Variants in RBFOX1 observed in about 807,000 individuals in gnomAD.
RBFOX1 encodes RNA binding protein fox-1 homolog 1.
In RBFOX1, 8 loss-of-function variants were observed where a neutral mutation model predicts 57.7. The observed-to-expected ratio is 0.14, with a 90% CI of 0.08 to 0.25. The LOEUF is 0.25. Ranked by LOEUF, RBFOX1 falls within the 10% of genes least tolerant of loss-of-function variation. The probability of loss-of-function intolerance (pLI) is 1.00; values close to 1 mark genes in which losing one functional copy is unlikely to be tolerated. For synonymous variants in RBFOX1, 326 were observed against 222.4 expected, an observed-to-expected ratio of 1.47 and a Z score of -4.15; for missense variants, 611 against 548.5, an observed-to-expected ratio of 1.11 and a Z score of -1.14.
intron 13 of RBFOX1, among the ~76,000 whole-genome samples, chr16:7,665,562 A>G (rs1438416793): frequency 6.6e-6 from 1 of 152,156 alleles, no homozygotes; most frequent in African/African-American, 2.4e-5. Context: ...ATTGCTTGCT[A>G]AATAGTAACA....
chr16:7,399,796 G>A lies in RBFOX1; in HGVS notation c.28-118351G>A, dbSNP rs948645254. ...TTCCCAAATAAGGTCATAGTCACAG[G>A]CACGAGGGGTTAAGACTTAGACATA... On this transcript the variant is annotated intron_variant, in intron 4 of 15. Transcript: ENST00000550418. 2.0e-5 allele frequency among the ~76,000 whole-genome samples: 3 copies of A among 152,144 alleles called. No individual in the cohort carries two copies. The East Asian group carries it at 5.8e-4, about 29-fold the overall frequency.
In RBFOX1 at chr16:7,051,493, C is replaced by T. The variant is rs139590715; in HGVS notation, c.-15-564C>T. Among the ~76,000 whole-genome samples, 1,232 of 152,330 alleles carry T rather than the reference C, an allele frequency of 8.1e-3. 4 individuals are homozygous for T. The highest frequency in any genetic ancestry group is 0.014 in the Non-Finnish European group (935 of 68,038). ...GCCGATACCAGAAACCTATCAGGAT[C>T]TCTTTCTGTGATTGAAGGATTGGCT... On this transcript the variant is annotated intron_variant, in intron 3 of 15. Transcript: ENST00000550418.
chr16:6,592,681 C>T (rs1034311763), intron 2 of RBFOX1, among the ~76,000 whole-genome samples: 1 of 152,194 alleles, frequency 6.6e-6, no homozygotes, highest in African/African-American at 2.4e-5. Flanking sequence ...TTTTGAAGCT[C>T]ATAGTCCCCT....
At chr16:6,069,496 A>G (rs1236991525) in intron 1 of RBFOX1, among the ~76,000 whole-genome samples, 4 of 152,002 alleles carry the variant, frequency 2.6e-5, no homozygotes, top group African/African-American at 7.2e-5. Context: ...TCCCCATGTC[A>G]TGCCAACAGA....
At chr16:7,494,956 T>C (rs904158768) in intron 4 of RBFOX1, among the ~76,000 whole-genome samples, 4 of 151,514 alleles carry the variant, frequency 2.6e-5, no homozygotes. Context: ...CAACAGGTAG[T>C]TTTTTACTCC....
At chr16:5,298,946 A>G (rs1423315834) in intron 1 of RBFOX1, among the ~76,000 whole-genome samples, 2 of 123,720 alleles carry the variant, frequency 1.6e-5, no homozygotes, top group Non-Finnish European at 3.3e-5. Context: ...TTTAAAGAAT[A>G]TATACATTAA....
chr16:6,727,296 A>C (rs985712332), intron 3 of RBFOX1, among the ~76,000 whole-genome samples: 6 of 151,758 alleles, frequency 4.0e-5, no homozygotes, highest in Non-Finnish European at 8.8e-5. Flanking sequence ...GTTTTTTGCC[A>C]TTTCTTTCAG....
chr16:6,789,060 C>A (rs749749789), intron 3 of RBFOX1, among the ~76,000 whole-genome samples: 2 of 151,960 alleles, frequency 1.3e-5, no homozygotes, highest in Non-Finnish European at 2.9e-5. Flanking sequence ...ATGGATGTCG[C>A]GAAATTGCCT....
chr16:6,326,621 T>G (rs2082401376), intron 2 of RBFOX1, among the ~76,000 whole-genome samples: 1 of 152,150 alleles, frequency 6.6e-6, no homozygotes, highest in South Asian at 2.1e-4. Context: ...GGACAGACTC[T>G]CCCACCAAGT....
chr16:5,744,472 C>G (rs1439057752), intron 3 of RBFOX1, among the ~76,000 whole-genome samples: 3 of 152,144 alleles, frequency 2.0e-5, no homozygotes, highest in African/African-American at 7.2e-5. Flanking sequence ...GATGCTGGAC[C>G]TGGTTCATAT....
chr16:6,531,575 C>T (rs1244644236), intron 2 of RBFOX1, among the ~76,000 whole-genome samples: 8 of 152,070 alleles, frequency 5.3e-5, no homozygotes, highest in Non-Finnish European at 1.5e-5. Context: ...TGTTTTAAAA[C>T]AGCTACCTAG....
chr16:7,043,214 C>T (rs546577006), intron 3 of RBFOX1, among the ~76,000 whole-genome samples: 3 of 152,290 alleles, frequency 2.0e-5, no homozygotes, highest in Non-Finnish European at 2.9e-5. Context: ...GCTTCCCGTC[C>T]TTCAGCAGGC....
At chr16:6,092,663 T>A (rs779529130) in intron 1 of RBFOX1, 5 of 152,240 alleles carry the variant, frequency 3.3e-5, no homozygotes, top group Non-Finnish European at 5.9e-5. Context: ...CCCCATTGCT[T>A]ATTTTTGTCA....
At chr16:7,687,990 A>G (rs2076428475) in intron 14 of RBFOX1, among the ~76,000 whole-genome samples, 1 of 152,026 alleles carries the variant, frequency 6.6e-6, no homozygotes, top group African/African-American at 2.4e-5. Context: ...GGTCATTGGT[A>G]TTTTATTTAA....
intron 4 of RBFOX1, among the ~76,000 whole-genome samples, chr16:5,977,100 C>T (rs1194111484): frequency 6.6e-6 from 1 of 152,146 alleles, no homozygotes; most frequent in African/African-American, 2.4e-5. Flanking sequence ...GGTGGCAAGT[C>T]TTCTGGGTAA....
Position 5,714,293 on chromosome 16 carries a change from G to C in RBFOX1, c.318+115332G>C, listed in dbSNP as rs114445867. On this transcript the variant is annotated intron_variant, in intron 3 of 19. Coordinates refer to the RBFOX1 transcript ENST00000641259. Reference sequence around the variant, plus strand: ...CTCAAGGCAGAAATGATAATGTTCTGATTCTGAGCTCAGACCTCAAGAGGC... The same window carrying C: ...CTCAAGGCAGAAATGATAATGTTCTCATTCTGAGCTCAGACCTCAAGAGGC... 6.4e-3 allele frequency among the ~76,000 whole-genome samples: 980 copies of C among 152,300 alleles called. 7 individuals are homozygous for C. Among genetic ancestry groups the C allele is most frequent in the African/African-American group, 0.021 (893 of 41,560 alleles).
At chr16:6,450,853 A>ACATATATATG (rs2094601729) in intron 2 of RBFOX1, among the ~76,000 whole-genome samples, 8 of 67,120 alleles carry the variant, frequency 1.2e-4, no homozygotes, top group African/African-American at 2.8e-4. Flanking sequence ...ATATATATAT[A>ACATATATATG]TATATATATA....
At chr16:5,618,486 C>G (rs552961239) in intron 3 of RBFOX1, among the ~76,000 whole-genome samples, 1 of 152,008 alleles carries the variant, frequency 6.6e-6, no homozygotes, top group South Asian at 2.1e-4. Context: ...TACAGGCGCC[C>G]GCCATCACGC....
chr16:6,832,079 A>C (rs552666263), intron 3 of RBFOX1, among the ~76,000 whole-genome samples: 1 of 152,356 alleles, frequency 6.6e-6, no homozygotes, highest in South Asian at 2.1e-4. Flanking sequence ...AACCATTTGT[A>C]GACAAAACTG....
Sources: gnomAD v4.1 joint callset for allele counts (sites outside exome capture counted in the v4.1 genomes callset) on GRCh38, gnomAD v4.1.1 for gene constraint, MANE v1.5 for transcripts, NCBI Gene and HGNC (gene_info 2026-07-23, HGNC 2026-07-21) for gene names.